The following CCND3 variants were observed in gnomAD, a reference collection of about 807,000 sequenced individuals.
CCND3 encodes the protein G1/S-specific cyclin-D3.
Under a neutral mutation model 28.7 loss-of-function variants are expected in CCND3, and 9 were observed. The ratio of observed to expected loss-of-function variants is 0.31; its 90% CI spans 0.19 to 0.55. The LOEUF is 0.55. Among genes scored for constraint, CCND3 ranks in the 20% least tolerant of loss-of-function variants. The pLI, the probability that CCND3 is intolerant of heterozygous loss-of-function variation, is 0.93. For missense variants in CCND3, 315 were observed against 385.8 expected, an observed-to-expected ratio of 0.82 and a Z score of 1.54; for synonymous variants, 164 against 163.9, an observed-to-expected ratio of 1.00 and a Z score of 0.00.
At chr6:41,980,417 T>G (rs2127411968) in intron 1 of CCND3, among the ~76,000 whole-genome samples, 1 of 152,206 alleles carries the variant, frequency 6.6e-6, no homozygotes, top group East Asian at 1.9e-4. Context: ...ATTACAGGAG[T>G]AAGCCACTGC....
At chr6:41,994,938 G>A (rs1762753223) in intron 1 of CCND3, among the ~76,000 whole-genome samples, 1 of 151,932 alleles carries the variant, frequency 6.6e-6, no homozygotes, top group Admixed American at 6.6e-5. Flanking sequence ...CAGGCGTGGT[G>A]GCAGCCGCCT....
At chr6:42,021,107 TGAGA>T (rs912653276) in intron 1 of CCND3, among the ~76,000 whole-genome samples, 7 of 152,062 alleles carry the variant, frequency 4.6e-5, no homozygotes, top group Non-Finnish European at 1.0e-4. Flanking sequence ...AAAGATATTT[TGAGA>T]GAGAGAGAGA....
chr6:41,951,566 ACAC>A lies in CCND3; in HGVS notation c.-45-10984_-45-10982del, dbSNP rs1266645848. ...GACACACACACACACACACACACAC[ACAC>A]ACACACAAAAAAAAAGATTAAGTGG... On this transcript the variant is annotated intron_variant, in intron 1 of 4. Coordinates refer to the CCND3 transcript ENST00000372988. 4.6e-3 allele frequency among the ~76,000 whole-genome samples: 460 copies of A among 100,570 alleles called. 24 individuals are homozygous for A. Among genetic ancestry groups the A allele is most frequent in the East Asian group, 7.9e-3 (25 of 3,182 alleles). 66.0% of individuals were successfully genotyped at this position (100,570 alleles called of 152,430 possible).
chr6:41,979,621 GTC>G (rs71544259), intron 1 of CCND3, among the ~76,000 whole-genome samples: 11 of 142,394 alleles, frequency 7.7e-5, no homozygotes, highest in African/African-American at 2.6e-4. Context: ...ATCTCTCTCT[GTC>G]TCTCTCTCTC....
In CCND3 at chr6:41,940,222, G is replaced by A. The variant is rs889155140; in HGVS notation, c.414+148C>T. 3.4e-5 allele frequency: 24 copies of A among 713,282 alleles called. 1 individual carries two copies. The Middle Eastern group carries it at 1.5e-3, about 46-fold the overall frequency. The allele number at this position is 713,282 out of a possible 1,614,324, so 44.2% of individuals were successfully genotyped here. A position where few individuals can be genotyped will look rare whatever the true frequency, so the allele number is the denominator to read the frequency against. On this transcript the variant is annotated intron_variant, in intron 2 of 4. Coordinates refer to ENST00000372991, the MANE Select transcript of CCND3 (RefSeq NM_001760.5). ...AACCATCACACCACAATGCCCCATC[G>A]TTTGTTCCACCCCAATTCCTTTCCC...
intron 1 of CCND3, among the ~76,000 whole-genome samples, chr6:42,028,082 G>C (rs1763935830): frequency 6.6e-6 from 1 of 152,214 alleles, no homozygotes; most frequent in Admixed American, 6.5e-5. Flanking sequence ...TTGCTTACAG[G>C]TTTGTGGAGA....
chr6:42,034,429 T>A (rs1764137961), intron 1 of CCND3, among the ~76,000 whole-genome samples: 1 of 149,048 alleles, frequency 6.7e-6, no homozygotes, highest in South Asian at 2.1e-4. Context: ...ATTATGGGAT[T>A]ACAGGCGTGA....
chr6:41,993,794 G>A (rs2127417391), intron 1 of CCND3, among the ~76,000 whole-genome samples: 1 of 151,562 alleles, frequency 6.6e-6, no homozygotes, highest in East Asian at 2.0e-4. Context: ...ATGGTGGTGG[G>A]TACCCATAAT....
intron 1 of CCND3, among the ~76,000 whole-genome samples, chr6:41,977,393 G>A (rs1274162787): frequency 6.6e-6 from 1 of 152,148 alleles, no homozygotes; most frequent in East Asian, 1.9e-4. Context: ...TTGAGACAGA[G>A]TCTGGCTCTG....
chr6:42,036,630 C>G (rs566193951), intron 1 of CCND3, among the ~76,000 whole-genome samples: 8 of 151,266 alleles, frequency 5.3e-5, no homozygotes, highest in Non-Finnish European at 1.0e-4. Context: ...TCTCCAACTC[C>G]TGGGCTCAAG....
At chr6:42,000,376 G>T (rs1438424832) in intron 1 of CCND3, among the ~76,000 whole-genome samples, 1 of 147,920 alleles carries the variant, frequency 6.8e-6, no homozygotes, top group Non-Finnish European at 1.5e-5. Context: ...GAGTAGCTGG[G>T]ACTACAGGCG....
chr6:42,039,753 A>G (rs1764316451), intron 1 of CCND3, among the ~76,000 whole-genome samples: 1 of 152,088 alleles, frequency 6.6e-6, no homozygotes, highest in African/African-American at 2.4e-5. Flanking sequence ...GCTCACATTC[A>G]CCACCACCCA....
At chr6:42,021,566 A>G (rs1463304912) in intron 1 of CCND3, among the ~76,000 whole-genome samples, 3 of 152,218 alleles carry the variant, frequency 2.0e-5, no homozygotes, top group Non-Finnish European at 4.4e-5. Context: ...GTTGTTATCC[A>G]CACATAATAC....
intron 1 of CCND3, among the ~76,000 whole-genome samples, chr6:42,009,964 C>T (rs572063752): frequency 1.3e-5 from 2 of 152,262 alleles, no homozygotes; most frequent in East Asian, 3.9e-4. Context: ...GCAATCAGTG[C>T]CCTCCAAGCA....
intron 1 of CCND3, among the ~76,000 whole-genome samples, chr6:41,978,972 G>A (rs896403011): frequency 1.3e-5 from 2 of 151,590 alleles, no homozygotes; most frequent in South Asian, 4.2e-4. Context: ...AGGAGTTCAA[G>A]ACCAATTTGA....
At chr6:42,014,592 T>C (rs1763444939) in intron 1 of CCND3, among the ~76,000 whole-genome samples, 1 of 152,190 alleles carries the variant, frequency 6.6e-6, no homozygotes, top group South Asian at 2.1e-4. Context: ...ACACAGCACA[T>C]GATCCCAGTT....
intron 1 of CCND3, among the ~76,000 whole-genome samples, chr6:41,972,240 A>AAGAAAAG (rs1554162053): frequency 2.0e-5 from 2 of 99,756 alleles, no homozygotes; most frequent in Non-Finnish European, 3.9e-5. Flanking sequence ...AAAAAAAAAA[A>AAGAAAAG]AAAAGAAAAG....
In CCND3 at chr6:41,962,803, C is replaced by T. The variant is rs970093273; in HGVS notation, c.-45-22218G>A. On this transcript the variant is annotated intron_variant, in intron 1 of 4. Transcript: ENST00000372988. The stretch of plus-strand genomic sequence containing the variant: ...TCTTACTCTGTTGCCCAGGCTGGAG[C>T]GCCATGGCGCAATCTTGGCTTACCA... Among the ~76,000 whole-genome samples the T allele has an allele frequency of 2.0e-5, 3 of 152,158 alleles. 1 individual carries two copies. Among genetic ancestry groups the T allele is most frequent in the South Asian group, 4.2e-4 (2 of 4,810 alleles).
intron 3 of CCND3, 115 bp downstream of exon 3, chr6:41,937,120 G>T: frequency 8.8e-7 from 1 of 1,132,482 alleles, no homozygotes. Flanking sequence ...GCTCAGAGGG[G>T]GTATAATTTT....
Sources: gnomAD v4.1 joint callset for allele counts (sites outside exome capture counted in the v4.1 genomes callset) on GRCh38, gnomAD v4.1.1 for gene constraint, MANE v1.5 for transcripts, NCBI Gene and HGNC (gene_info 2026-07-23, HGNC 2026-07-21) for gene names.